Variants in ERP44 observed in about 807,000 individuals in gnomAD.
The protein encoded by ERP44 is endoplasmic reticulum resident protein 44.
A neutral mutation model predicts 53.4 loss-of-function variants in ERP44; 25 were observed. The ratio of observed to expected loss-of-function variants is 0.47; its 90% CI spans 0.34 to 0.65. The LOEUF (loss-of-function observed/expected upper bound fraction) is 0.65. ERP44 is among the 30% of genes least tolerant of loss of function. The pLI is 0.01. For missense variants in ERP44, 338 were observed against 493.2 expected, an observed-to-expected ratio of 0.69 and a Z score of 2.98; for synonymous variants, 145 against 161.2, an observed-to-expected ratio of 0.90 and a Z score of 0.76.
intron 4 of ERP44, among the ~76,000 whole-genome samples, chr9:100,038,682 T>A (rs1342273917): frequency 6.6e-6 from 1 of 151,780 alleles, no homozygotes; most frequent in African/African-American, 2.4e-5. Context: ...ACTAAACTCT[T>A]CAATCAAAAG....
chr9:99,987,252 G>T (rs1015804940), intron 10 of ERP44, among the ~76,000 whole-genome samples: 1 of 152,202 alleles, frequency 6.6e-6, no homozygotes, highest in Admixed American at 6.5e-5. Flanking sequence ...TCATTATTAA[G>T]AAGTAACATT....
At chr9:100,089,229 A>T (rs1358111025) in intron 1 of ERP44, among the ~76,000 whole-genome samples, 3 of 152,172 alleles carry the variant, frequency 2.0e-5, no homozygotes, top group Non-Finnish European at 4.4e-5. Flanking sequence ...TCAAAAACCC[A>T]TACTTTACTT....
chr9:100,009,973 T>C (rs62577194), intron 8 of ERP44, among the ~76,000 whole-genome samples: 1 of 47,474 alleles, frequency 2.1e-5, no homozygotes, highest in African/African-American at 5.4e-5. Flanking sequence ...ATTTTATCAA[T>C]GGAAAATTCT....
intron 1 of ERP44, among the ~76,000 whole-genome samples, chr9:100,089,246 G>T (rs186091666): frequency 6.6e-6 from 1 of 152,026 alleles, no homozygotes; most frequent in Non-Finnish European, 1.5e-5. Context: ...ACTTAATAAT[G>T]GCTCCAAAGC....
In ERP44 at chr9:99,998,549, G is replaced by A; in HGVS notation, c.1016+7957C>T. ...TCTCTGCTAATCTTCACGCCTTCTG[G>A]AAAGCCAGTCAGGCTCGTGGTGAGC... On this transcript the variant is annotated intron_variant, in intron 10 of 11. Coordinates refer to ENST00000262455, the MANE Select transcript of ERP44 (RefSeq NM_015051.3). 2.8e-6 allele frequency: 2 copies of A among 725,466 alleles called. 1 individual carries two copies. Among genetic ancestry groups the A allele is most frequent in the South Asian group, 2.9e-5 (2 of 68,420 alleles). 44.9% of individuals were successfully genotyped at this position (725,466 alleles called of 1,614,324 possible).
chr9:100,047,194 C>CCTGTG (rs1223969640), intron 4 of ERP44, among the ~76,000 whole-genome samples: 2 of 152,140 alleles, frequency 1.3e-5, no homozygotes, highest in African/African-American at 4.8e-5. Context: ...GAGGCAAAGA[C>CCTGTG]TTCTTAGATA....
rs184971201 is a variant in ERP44, at chr9:99,981,344, G to T, written c.*1268C>A. On this transcript the variant is annotated 3_prime_UTR_variant, in exon 12 of 12. Transcript: ENST00000262455. ...TATAAATATTAATTTTATTTTAAAA[G>T]AATTGGAAGATGTTACATATATTAC... 1 of 152,552 alleles carries T rather than the reference G, an allele frequency of 6.6e-6. No individual in the cohort carries two copies. Among genetic ancestry groups the T allele is most frequent in the Non-Finnish European group, 1.5e-5 (1 of 68,022 alleles). 9.4% of individuals were successfully genotyped at this position (152,552 alleles called of 1,614,324 possible).
chr9:99,999,430 A>G (rs996207343), intron 10 of ERP44, among the ~76,000 whole-genome samples: 1 of 152,126 alleles, frequency 6.6e-6, no homozygotes, highest in African/African-American at 2.4e-5. Context: ...AATATCTTTG[A>G]TGATTAGTGA....
At chr9:100,039,727 A>G (rs1374447404) in intron 4 of ERP44, among the ~76,000 whole-genome samples, 1 of 152,128 alleles carries the variant, frequency 6.6e-6, no homozygotes, top group African/African-American at 2.4e-5. Flanking sequence ...AAGCACAGGT[A>G]ACAAAAAGTT....
At position 99,998,758 on chromosome 9, in the gene ERP44, GTT is replaced by G. The variant is rs901775962; in HGVS notation, c.1016+7746_1016+7747del. ...TTTCTTTTTTCCTCTTCCCGCAAACGTTTCTTTTCTCTCTCCTCCTCCGTTCT... is the reference window on the plus strand; with the variant it reads ...TTTCTTTTTTCCTCTTCCCGCAAACGTCTTTTCTCTCTCCTCCTCCGTTCT... On this transcript the variant is annotated intron_variant, in intron 10 of 11. Coordinates refer to ENST00000262455, the MANE Select transcript of ERP44 (RefSeq NM_015051.3). The G allele has an allele frequency of 3.1e-5, 24 of 769,614 alleles. No individual in the cohort carries two copies. The African/African-American group carries it at 3.5e-4, about 11-fold the overall frequency. 47.7% of individuals were successfully genotyped at this position (769,614 alleles called of 1,614,324 possible).
chr9:100,007,106 G>GT (rs1830431687), intron 9 of ERP44, among the ~76,000 whole-genome samples: 1 of 152,124 alleles, frequency 6.6e-6, no homozygotes, highest in Non-Finnish European at 1.5e-5. Flanking sequence ...AGTTTATTTT[G>GT]TTTGACTTTC....
intron 1 of ERP44, among the ~76,000 whole-genome samples, chr9:100,087,172 A>G (rs920167715): frequency 6.6e-6 from 1 of 151,922 alleles, no homozygotes. Context: ...TATACGACAA[A>G]ACACAACTCC....
intron 1 of ERP44, among the ~76,000 whole-genome samples, chr9:100,080,259 A>C (rs148376363): frequency 7.2e-5 from 11 of 152,350 alleles, no homozygotes; most frequent in Admixed American, 2.0e-4. Context: ...GAGAGCTTAC[A>C]GGAAAACCCA....
chr9:99,987,990 T>C (rs1473187609), intron 10 of ERP44, among the ~76,000 whole-genome samples: 1 of 152,244 alleles, frequency 6.6e-6, no homozygotes, highest in Non-Finnish European at 1.5e-5. Context: ...TTGTCTAGAA[T>C]AAATGCCAGG....
intron 1 of ERP44, among the ~76,000 whole-genome samples, chr9:100,083,261 T>C (rs1826447226): frequency 6.6e-6 from 1 of 152,058 alleles, no homozygotes. Context: ...AACCTGAATA[T>C]TCATCAACTA....
At chr9:100,041,036 G>T (rs1465789929) in intron 4 of ERP44, among the ~76,000 whole-genome samples, 2 of 152,128 alleles carry the variant, frequency 1.3e-5, no homozygotes, top group East Asian at 3.9e-4. Context: ...TATGTTTATG[G>T]ATTGGAAGAA....
chr9:99,992,002 C>T (rs1041631752), intron 10 of ERP44, among the ~76,000 whole-genome samples: 22 of 152,196 alleles, frequency 1.4e-4, no homozygotes, highest in African/African-American at 5.3e-4. Flanking sequence ...CAATAACAGG[C>T]TCTGAAATTG....
chr9:100,046,164 GA>G (rs1216789732), intron 4 of ERP44, among the ~76,000 whole-genome samples: 2 of 150,994 alleles, frequency 1.3e-5, no homozygotes, highest in Non-Finnish European at 3.0e-5. Context: ...CAAAACATGA[GA>G]AAAAAAATAC....
intron 10 of ERP44, among the ~76,000 whole-genome samples, chr9:99,997,868 C>T (rs536202317): frequency 3.3e-4 from 50 of 150,708 alleles, no homozygotes; most frequent in African/African-American, 1.2e-3. Flanking sequence ...TTACTCGACA[C>T]CACAGCTCAG....
Sources: gnomAD v4.1 joint callset for allele counts (sites outside exome capture counted in the v4.1 genomes callset) on GRCh38, gnomAD v4.1.1 for gene constraint, MANE v1.5 for transcripts, NCBI Gene and HGNC (gene_info 2026-07-23, HGNC 2026-07-21) for gene names.